Variants in EPB41L4B observed in about 807,000 individuals in gnomAD.
EPB41L4B encodes the protein band 4.1-like protein 4B.
A neutral mutation model predicts 112.5 loss-of-function variants in EPB41L4B; 30 were observed. The observed-to-expected ratio is 0.27, with a 90% CI of 0.20 to 0.36. The LOEUF (loss-of-function observed/expected upper bound fraction) is 0.36. EPB41L4B is among the 10% of genes least tolerant of loss of function. EPB41L4B has a pLI of 1.00. For missense variants in EPB41L4B, 1,024 were observed against 1,133.3 expected, an observed-to-expected ratio of 0.90 and a Z score of 1.38; for synonymous variants, 408 against 439.7, an observed-to-expected ratio of 0.93 and a Z score of 0.90.
At chr9:109,218,996 T>C (rs1430375079) in intron 15 of EPB41L4B, among the ~76,000 whole-genome samples, 1 of 152,164 alleles carries the variant, frequency 6.6e-6, no homozygotes, top group African/African-American at 2.4e-5. Flanking sequence ...AATGCAGAAG[T>C]GGAAGCAATC....
intron 14 of EPB41L4B, among the ~76,000 whole-genome samples, chr9:109,246,402 C>T (rs928861674): frequency 6.6e-6 from 1 of 152,168 alleles, no homozygotes; most frequent in Non-Finnish European, 1.5e-5. Context: ...TCAAGTGATC[C>T]TCTTGCCTTG....
chr9:109,294,149 C>G (rs1836644155), intron 1 of EPB41L4B, among the ~76,000 whole-genome samples: 1 of 151,380 alleles, frequency 6.6e-6, no homozygotes, highest in East Asian at 1.9e-4. Context: ...TACGAAAATA[C>G]AAAAAAATTA....
In EPB41L4B at chr9:109,320,480, G is replaced by GC; in HGVS notation, c.-35dup. On this transcript the variant is annotated 5_prime_UTR_variant, in exon 1 of 26. Transcript: ENST00000374566. ...GGGGCGCCCCCTGCCTCCGCCCCCT[G>GC]CGCTGCCGCTGCCGCTGCCGCTGCC... 2.2e-6 allele frequency: 2 copies of GC among 923,524 alleles called. No individual in the cohort carries two copies. The highest frequency in any genetic ancestry group is 5.2e-5 in the South Asian group (1 of 19,356). The allele number at this position is 923,524 out of a possible 1,614,324, so 57.2% of individuals were successfully genotyped here.
chr9:109,287,694 T>A (rs1025147833), intron 1 of EPB41L4B, among the ~76,000 whole-genome samples: 1 of 152,060 alleles, frequency 6.6e-6, no homozygotes, highest in South Asian at 2.1e-4. Context: ...ATTACAGTGG[T>A]GTCATCATGG....
chr9:109,278,101 G>A (rs1564314501), intron 2 of EPB41L4B, among the ~76,000 whole-genome samples: 1 of 152,176 alleles, frequency 6.6e-6, no homozygotes, highest in South Asian at 2.1e-4. Context: ...TCAGAGGGTA[G>A]GACACTGGTC....
chr9:109,225,763 C>T (rs929823365), intron 15 of EPB41L4B, among the ~76,000 whole-genome samples: 4 of 152,092 alleles, frequency 2.6e-5, no homozygotes, highest in Non-Finnish European at 5.9e-5. Context: ...GGTAGTGATG[C>T]TTGAAGCAGG....
chr9:109,175,065 T>C (rs535243583), intron 25 of EPB41L4B, among the ~76,000 whole-genome samples: 1 of 151,912 alleles, frequency 6.6e-6, no homozygotes, highest in South Asian at 2.1e-4. Context: ...TACAGGCACG[T>C]GCCACCATGC....
chr9:109,191,080 G>A (rs1349210596), intron 22 of EPB41L4B, among the ~76,000 whole-genome samples: 2 of 152,200 alleles, frequency 1.3e-5, no homozygotes, highest in African/African-American at 4.8e-5. Flanking sequence ...GAAGCAGATG[G>A]AGGGAGGAGG....
At chr9:109,233,921 G>C (rs1246694697) in intron 15 of EPB41L4B, among the ~76,000 whole-genome samples, 1 of 152,150 alleles carries the variant, frequency 6.6e-6, no homozygotes, top group Non-Finnish European at 1.5e-5. Context: ...AGATGACATG[G>C]TTAATTGTAC....
chr9:109,213,645 A>T, intron 17 of EPB41L4B, 55 bp downstream of exon 17: 1 of 1,444,364 alleles, frequency 6.9e-7, no homozygotes, highest in Non-Finnish European at 9.7e-7. Context: ...TAGTAATCAG[A>T]GGTTTGATGT....
chr9:109,251,989 G>T (rs908140307), intron 12 of EPB41L4B, among the ~76,000 whole-genome samples: 1 of 152,234 alleles, frequency 6.6e-6, no homozygotes, highest in African/African-American at 2.4e-5. Context: ...GATAGATGTG[G>T]CAGGGAAAAT....
intron 24 of EPB41L4B, among the ~76,000 whole-genome samples, chr9:109,181,271 G>T (rs116882499): frequency 0.036 from 5,433 of 152,150 alleles, 162 homozygotes; most frequent in Middle Eastern, 0.072. Flanking sequence ...TAAAGTGCTG[G>T]GATTACAGGC....
intron 15 of EPB41L4B, chr9:109,241,708 C>T (rs948647569): frequency 3.1e-6 from 5 of 1,614,134 alleles, no homozygotes; most frequent in Non-Finnish European, 4.2e-6. Context: ...ACTTTGCATC[C>T]CTCCTAAGTT....
intron 1 of EPB41L4B, among the ~76,000 whole-genome samples, chr9:109,312,251 C>T (rs1026815196): frequency 7.2e-5 from 11 of 152,202 alleles, no homozygotes; most frequent in African/African-American, 2.7e-4. Context: ...TGCTATGCAG[C>T]AGGATAGGAA....
intron 2 of EPB41L4B, among the ~76,000 whole-genome samples, chr9:109,277,954 T>TAC (rs1835899652): frequency 6.6e-6 from 1 of 152,054 alleles, no homozygotes; most frequent in Non-Finnish European, 1.5e-5. Context: ...GTCAATCTGC[T>TAC]CAAATGAAGC....
chr9:109,217,725 C>T (rs2417997), intron 15 of EPB41L4B, among the ~76,000 whole-genome samples: 97,113 of 151,960 alleles, frequency 0.64, 32,333 homozygotes, highest in African/African-American at 0.83. Flanking sequence ...GGATATGACA[C>T]CATGCCTGGC....
chr9:109,240,115 G>A, intron 15 of EPB41L4B: 1 of 985,066 alleles, frequency 1.0e-6, no homozygotes, highest in Non-Finnish European at 1.2e-6. Context: ...CTTCTGCATA[G>A]CAACAAGAAT....
rs3061574 is a variant in EPB41L4B, at chr9:109,266,968, CAAAAAA to C, written c.533+499_533+504del. Among the ~76,000 whole-genome samples, 4 of 91,744 alleles carry C rather than the reference CAAAAAA, an allele frequency of 4.4e-5. No homozygotes were observed. The East Asian group carries it at 1.4e-3, about 33-fold the overall frequency. 60.2% of individuals were successfully genotyped at this position (91,744 alleles called of 152,430 possible). A position where few individuals can be genotyped will look rare whatever the true frequency, so the allele number is the denominator to read the frequency against. ...TAGGCAACACAGCAAGATTTTGTTT[CAAAAAA>C]AAAAAAAAAAAAAAAAAAAGAAATT... On this transcript the variant is annotated intron_variant, in intron 4 of 25. Coordinates refer to ENST00000374566, the MANE Select transcript of EPB41L4B (RefSeq NM_019114.5).
intron 15 of EPB41L4B, among the ~76,000 whole-genome samples, chr9:109,243,208 C>A (rs1175640762): frequency 8.6e-6 from 1 of 116,612 alleles, no homozygotes; most frequent in South Asian, 3.3e-4. Flanking sequence ...CCAGCCCACC[C>A]CCGCAAAAAA....
Sources: gnomAD v4.1 joint callset for allele counts (sites outside exome capture counted in the v4.1 genomes callset) on GRCh38, gnomAD v4.1.1 for gene constraint, MANE v1.5 for transcripts, NCBI Gene and HGNC (gene_info 2026-07-23, HGNC 2026-07-21) for gene names.